Variants in GGNBP2 observed in about 807,000 individuals in gnomAD.
GGNBP2 encodes gametogenetin-binding protein 2.
A neutral mutation model predicts 85.9 loss-of-function variants in GGNBP2; 10 were observed. The observed-to-expected ratio is 0.12, with a 90% CI of 0.07 to 0.20. The LOEUF (loss-of-function observed/expected upper bound fraction) is 0.20, where lower values mean the gene tolerates loss of function less well. Ranked by LOEUF, GGNBP2 falls within the 10% of genes least tolerant of loss-of-function variation. The pLI is 1.00. For missense variants in GGNBP2, 595 were observed against 857.8 expected (o/e 0.69, Z 3.83); for synonymous variants, 287 against 285.7 (o/e 1.00, Z -0.05).
intron 2 of GGNBP2, chr17:36,547,470 A>C (rs1482660589): frequency 6.6e-6 from 1 of 152,264 alleles, no homozygotes; most frequent in East Asian, 1.9e-4. Context: ...AGTCTTCAAA[A>C]GACACTAGTT....
intron 5 of GGNBP2, among the ~76,000 whole-genome samples, chr17:36,566,558 G>C (rs567198602): frequency 6.6e-6 from 1 of 151,900 alleles, no homozygotes; most frequent in African/African-American, 2.4e-5. Flanking sequence ...ACACGCCTAT[G>C]GTCCTAGCTA....
At chr17:36,549,166 T>TAGAATACATATTTGATTTTAG in intron 2 of GGNBP2, among the ~76,000 whole-genome samples, 1 of 152,174 alleles carries the variant, frequency 6.6e-6, no homozygotes, top group Non-Finnish European at 1.5e-5. Flanking sequence ...AAATAACAGA[T>TAGAATACATATTTGATTTTAG]AGAATACATA....
At chr17:36,577,519 A>G (rs1289717479) in intron 6 of GGNBP2, 1 of 161,386 alleles carries the variant, frequency 6.2e-6, no homozygotes, top group East Asian at 1.8e-4. Flanking sequence ...AAATATTAAA[A>G]TGTTGTAATA....
At chr17:36,576,009 A>C (rs2074577911) in intron 6 of GGNBP2, among the ~76,000 whole-genome samples, 2 of 150,546 alleles carry the variant, frequency 1.3e-5, no homozygotes, top group African/African-American at 4.9e-5. Context: ...GTGTGCATGA[A>C]ACAAAGATAT....
chr17:36,574,518 TGAC>T (rs1224539603), intron 6 of GGNBP2: 1 of 369,976 alleles, frequency 2.7e-6, no homozygotes, highest in African/African-American at 2.1e-5. Flanking sequence ...GTGTGGGTCT[TGAC>T]GAGATGGTCA....
intron 4 of GGNBP2, among the ~76,000 whole-genome samples, 163 bp downstream of exon 4, chr17:36,557,499 G>A (rs1159734616): frequency 6.6e-6 from 1 of 152,156 alleles, no homozygotes; most frequent in East Asian, 1.9e-4. Context: ...TCCACGTGGG[G>A]AGAGGCAGAC....
chr17:36,545,535 C>T, intron 1 of GGNBP2, 84 bp from the exon 2 acceptor site: 3 of 525,926 alleles, frequency 5.7e-6, no homozygotes, highest in Non-Finnish European at 1.0e-5. Flanking sequence ...CTCTCCCGTA[C>T]CCTCCCGCTC....
chr17:36,567,007 A>G (rs917419236), intron 5 of GGNBP2, among the ~76,000 whole-genome samples: 1 of 151,110 alleles, frequency 6.6e-6, no homozygotes, highest in Non-Finnish European at 1.5e-5. Flanking sequence ...TCTCTACAAA[A>G]TAAAAGTAAA....
At chr17:36,545,550 C>A in intron 1 of GGNBP2, 69 bp from the exon 2 acceptor site, 2 of 581,358 alleles carry the variant, frequency 3.4e-6, no homozygotes, top group Non-Finnish European at 6.2e-6. Flanking sequence ...CCGCTCCGCT[C>A]CCTGCCCCCC....
In GGNBP2 at chr17:36,554,730, G is replaced by T. The variant is rs149642365; in HGVS notation, c.94-90G>T. 11 of 873,028 alleles carry T rather than the reference G, an allele frequency of 1.3e-5. No homozygotes were observed. In the East Asian group the frequency reaches 2.2e-4, roughly 17 times the overall value. 54.1% of individuals were successfully genotyped at this position (873,028 alleles called of 1,614,324 possible). A position where few individuals can be genotyped will look rare whatever the true frequency, so the allele number is the denominator to read the frequency against. ...GGGGCTAGGGATGGGTGCAAATCTG[G>T]CTTTCACGGGTCTATTTCTGGAGTT... is the stretch of plus-strand genomic sequence containing the variant. On this transcript the variant is annotated intron_variant, in intron 2 of 13. Transcript: ENST00000613102.
intron 5 of GGNBP2, among the ~76,000 whole-genome samples, chr17:36,562,992 G>T (rs533665634): frequency 6.8e-6 from 1 of 147,768 alleles, no homozygotes; most frequent in Non-Finnish European, 1.5e-5. Flanking sequence ...AAGGCTGGGC[G>T]TGGTGGCTCA....
rs377489045 is a variant in GGNBP2, at chr17:36,549,201, A to AT, written c.93+3386dup. Among the ~76,000 whole-genome samples the AT allele has an allele frequency of 4.3e-4, 65 of 151,084 alleles. No homozygotes were observed. In the East Asian group the frequency reaches 0.011, roughly 26 times the overall value. On this transcript the variant is annotated intron_variant, in intron 2 of 13. Coordinates refer to ENST00000613102, the MANE Select transcript of GGNBP2 (RefSeq NM_024835.5). ...ATTTGATTTTAGAGAAATCTGAAGA[A>AT]TTAAAGTTTTTTTTTTTTTGAGACA...
chr17:36,585,922 G>T lies in GGNBP2; in HGVS notation c.1449G>T (p.Ser483=). Residue 483 remains serine (S), a synonymous_variant, in exon 11 of 14, where the codon TCG becomes TCT. Coordinates refer to ENST00000613102, the MANE Select transcript of GGNBP2 (RefSeq NM_024835.5). Reference sequence around the variant, plus strand: ...GTGAAACAGGTTCTCGGGAGGGTTCGGATGTTGCCTGCACTGAAGGCATTT... The same window carrying T: ...GTGAAACAGGTTCTCGGGAGGGTTCTGATGTTGCCTGCACTGAAGGCATTT... ...EGSETGSREG[S]DVACTEGICN... 2 of 1,614,128 alleles carry T rather than the reference G, an allele frequency of 1.2e-6. No individual in the cohort carries two copies. The highest frequency in any genetic ancestry group is 8.5e-7 in the Non-Finnish European group (1 of 1,180,006).
chr17:36,557,053 A>G (rs200889571), intron 3 of GGNBP2, 30 bp from the exon 4 acceptor site: 125 of 1,611,170 alleles, frequency 7.8e-5, no homozygotes, highest in Non-Finnish European at 9.6e-5. Context: ...TTTTTAAAGG[A>G]CACTCTTTCA....
At chr17:36,576,631 ATATGTATATATG>A (rs2074592624) in intron 6 of GGNBP2, 1 of 104,166 alleles carries the variant, frequency 9.6e-6, no homozygotes, top group Non-Finnish European at 1.8e-5. Context: ...GTGTGTGTGT[ATATGTATATATG>A]TATATGTATA....
intron 6 of GGNBP2, among the ~76,000 whole-genome samples, chr17:36,573,131 T>C (rs1288422337): frequency 2.0e-5 from 3 of 152,162 alleles, no homozygotes; most frequent in Admixed American, 2.0e-4. Flanking sequence ...TTCTTTTTTT[T>C]TGAGACAGTC....
At chr17:36,554,125 A>G (rs1215293096) in intron 2 of GGNBP2, among the ~76,000 whole-genome samples, 2 of 151,846 alleles carry the variant, frequency 1.3e-5, no homozygotes, top group African/African-American at 4.8e-5. Context: ...CCTGGCCAAC[A>G]TGGTGAAAAC....
In GGNBP2 at chr17:36,586,990, G is replaced by T. The variant is rs2074708446; in HGVS notation, c.1642-7G>T. 1.9e-6 allele frequency: 3 copies of T among 1,609,780 alleles called. No homozygotes were observed. Among genetic ancestry groups the T allele is most frequent in the Non-Finnish European group, 2.5e-6 (3 of 1,177,704 alleles). On this transcript the variant is annotated splice_polypyrimidine_tract_variant and splice_region_variant and intron_variant, in intron 12 of 13. Coordinates refer to ENST00000613102, the MANE Select transcript of GGNBP2 (RefSeq NM_024835.5). ...TTTACCTGTGAAATCCTTTGCTGTGGTATCAGATCCAGAAGCTTGGAAGCT... is the reference window on the plus strand; with the variant it reads ...TTTACCTGTGAAATCCTTTGCTGTGTTATCAGATCCAGAAGCTTGGAAGCT...
intron 3 of GGNBP2, among the ~76,000 whole-genome samples, chr17:36,556,479 G>T (rs1471042839): frequency 5.3e-5 from 8 of 152,204 alleles, no homozygotes; most frequent in Non-Finnish European, 7.3e-5. Flanking sequence ...GCTGAGGCGG[G>T]TGGATCACAA....
Sources: allele counts gnomAD v4.1 joint callset (sites outside exome capture counted in the v4.1 genomes callset), GRCh38; gene constraint gnomAD v4.1.1; transcripts MANE v1.5; gene names NCBI Gene and HGNC (gene_info 2026-07-23, HGNC 2026-07-21).